Variants in CELF4 observed in about 807,000 individuals in gnomAD.
The protein encoded by CELF4 is CUGBP Elav-like family member 4, also known as CUG-BP- and ETR-3-like factor 4.
A neutral mutation model predicts 59.9 loss-of-function variants in CELF4; 18 were observed. The observed-to-expected ratio is 0.30, with a 90% CI of 0.21 to 0.45. The LOEUF (loss-of-function observed/expected upper bound fraction) is 0.45, where lower values mean the gene tolerates loss of function less well. Ranked by LOEUF, CELF4 falls within the 20% of genes least tolerant of loss-of-function variation. CELF4 has a pLI of 1.00. For missense variants in CELF4, 456 were observed against 689.0 expected, an observed-to-expected ratio of 0.66 and a Z score of 3.79; for synonymous variants, 261 against 267.1, an observed-to-expected ratio of 0.98 and a Z score of 0.22.
At chr18:37,392,373 T>C (rs1362565725) in intron 2 of CELF4, among the ~76,000 whole-genome samples, 1 of 152,160 alleles carries the variant, frequency 6.6e-6, no homozygotes, top group Admixed American at 6.5e-5. Flanking sequence ...AAAGCACTGT[T>C]GAACCCTCCA....
In CELF4 at chr18:37,265,170, G is replaced by A. The variant is rs186950521; in HGVS notation, c.1166-413C>T. 7.6e-4 allele frequency among the ~76,000 whole-genome samples: 116 copies of A among 151,796 alleles called. 1 individual carries two copies. The highest frequency in any genetic ancestry group is 3.4e-3 in the Middle Eastern group (1 of 294). On this transcript the variant is annotated intron_variant, in intron 9 of 12. Transcript: ENST00000420428. ...TGTGTGGGTGTATGTGTGTGCGTGCGTGTACATTACATGTGTACATGCACG... is the reference window on the plus strand; with the variant it reads ...TGTGTGGGTGTATGTGTGTGCGTGCATGTACATTACATGTGTACATGCACG...
chr18:37,405,362 C>G (rs945958817), intron 2 of CELF4, among the ~76,000 whole-genome samples: 1 of 152,238 alleles, frequency 6.6e-6, no homozygotes, highest in Non-Finnish European at 1.5e-5. Context: ...CAGATCTCTG[C>G]ACCCAAGGTG....
intron 8 of CELF4, among the ~76,000 whole-genome samples, chr18:37,269,163 G>T (rs2089904817): frequency 6.6e-6 from 1 of 152,040 alleles, no homozygotes; most frequent in African/African-American, 2.4e-5. Flanking sequence ...CCCCCAGCTT[G>T]CACAGCCCCA....
chr18:37,479,679 T>C (rs1208812655), intron 2 of CELF4, among the ~76,000 whole-genome samples: 3 of 152,058 alleles, frequency 2.0e-5, no homozygotes, highest in Non-Finnish European at 4.4e-5. Context: ...GACACTATTG[T>C]AGGCCTTTAT....
chr18:37,250,778 C>T (rs775521041), intron 12 of CELF4, among the ~76,000 whole-genome samples: 8 of 152,192 alleles, frequency 5.3e-5, no homozygotes, highest in Non-Finnish European at 1.2e-4. Flanking sequence ...TCTTAGCAAC[C>T]GCCTTCTATT....
At chr18:37,519,413 C>T (rs558307692) in intron 1 of CELF4, among the ~76,000 whole-genome samples, 25 of 152,052 alleles carry the variant, frequency 1.6e-4, no homozygotes, top group Non-Finnish European at 2.9e-4. Context: ...GCTTTGTTTG[C>T]GCCTTCCTCC....
intron 2 of CELF4, among the ~76,000 whole-genome samples, chr18:37,379,537 C>T (rs1003684385): frequency 9.0e-6 from 1 of 111,570 alleles, no homozygotes; most frequent in African/African-American, 3.7e-5. Flanking sequence ...AAAAAAGGTA[C>T]TATCCTTTGC....
chr18:37,413,512 C>T (rs1042372455), intron 2 of CELF4, among the ~76,000 whole-genome samples: 2 of 152,106 alleles, frequency 1.3e-5, no homozygotes, highest in African/African-American at 2.4e-5. Context: ...AATTTTTGTT[C>T]CCACTCCTCC....
At chr18:37,445,385 T>C (rs1307306519) in intron 2 of CELF4, among the ~76,000 whole-genome samples, 1 of 150,536 alleles carries the variant, frequency 6.6e-6, no homozygotes, top group African/African-American at 2.4e-5. Context: ...AGTCCCTGAG[T>C]TGGGTTTGGG....
chr18:37,451,024 A>G (rs2099762058), intron 2 of CELF4, among the ~76,000 whole-genome samples: 1 of 152,140 alleles, frequency 6.6e-6, no homozygotes, highest in African/African-American at 2.4e-5. Flanking sequence ...CACATGTTGC[A>G]GTTTCTATCT....
At chr18:37,496,930 A>G (rs2099925845) in intron 1 of CELF4, among the ~76,000 whole-genome samples, 1 of 152,232 alleles carries the variant, frequency 6.6e-6, no homozygotes, top group African/African-American at 2.4e-5. Context: ...CTAAGGAAGC[A>G]GCATTCTCAT....
intron 2 of CELF4, among the ~76,000 whole-genome samples, chr18:37,364,070 G>A (rs1196107132): frequency 2.6e-5 from 4 of 152,244 alleles, no homozygotes; most frequent in African/African-American, 9.6e-5. Context: ...GGAGGTCTTT[G>A]TTCTATGCAA....
chr18:37,561,590 G>A (rs1355365281), intron 1 of CELF4, among the ~76,000 whole-genome samples: 1 of 152,146 alleles, frequency 6.6e-6, no homozygotes, highest in Non-Finnish European at 1.5e-5. Flanking sequence ...TTCTTCATGT[G>A]TGATCCACTG....
intron 1 of CELF4, among the ~76,000 whole-genome samples, chr18:37,527,650 G>GGT (rs1355460980): frequency 6.6e-6 from 1 of 152,192 alleles, no homozygotes; most frequent in Non-Finnish European, 1.5e-5. Context: ...CAGTCTGTGG[G>GGT]GTGATTTGGG....
At chr18:37,474,723 TAGAG>T (rs2099844002) in intron 2 of CELF4, among the ~76,000 whole-genome samples, 1 of 152,224 alleles carries the variant, frequency 6.6e-6, no homozygotes, top group African/African-American at 2.4e-5. Context: ...TCATCGGAGT[TAGAG>T]AGACAAGATT....
chr18:37,268,619 A>G (rs2078882860), intron 8 of CELF4, among the ~76,000 whole-genome samples: 1 of 152,094 alleles, frequency 6.6e-6, no homozygotes, highest in Non-Finnish European at 1.5e-5. Flanking sequence ...TGCAAGAGCC[A>G]CCCCTTCAAG....
rs55853220 is a variant in CELF4, at chr18:37,335,482, A to AGTGTGTGT, written c.370-13609_370-13602dup. Among the ~76,000 whole-genome samples the AGTGTGTGT allele has an allele frequency of 5.4e-4, 78 of 144,276 alleles. 1 individual carries two copies. The East Asian group carries it at 0.011, about 20-fold the overall frequency. The allele number at this position is 144,276 out of a possible 152,430, so 94.7% of individuals were successfully genotyped here. On this transcript the variant is annotated intron_variant, in intron 2 of 12. Coordinates refer to ENST00000420428, the MANE Select transcript of CELF4 (RefSeq NM_020180.4). ...TGTGAGTATGCATGTCAGTGCATGC[A>AGTGTGTGT]GTGTGTGTGTGTGTGTGTGTGTGTG...
At chr18:37,316,178 G>A (rs952977955) in intron 3 of CELF4, among the ~76,000 whole-genome samples, 6 of 152,158 alleles carry the variant, frequency 3.9e-5, no homozygotes, top group African/African-American at 1.4e-4. Context: ...ATAGGACACT[G>A]CAGCGCATGC....
chr18:37,493,549 A>G (rs1323150081), intron 1 of CELF4, among the ~76,000 whole-genome samples: 2 of 151,984 alleles, frequency 1.3e-5, no homozygotes, highest in Admixed American at 6.5e-5. Context: ...TGCTGCAGGG[A>G]TGCGGGTGTG....
Sources: allele counts gnomAD v4.1 joint callset (sites outside exome capture counted in the v4.1 genomes callset), GRCh38; gene constraint gnomAD v4.1.1; transcripts MANE v1.5; gene names NCBI Gene and HGNC (gene_info 2026-07-23, HGNC 2026-07-21).